Variants in ZNF532 observed in about 807,000 individuals in gnomAD.
ZNF532 encodes zinc finger protein 532.
Under a neutral mutation model 89.3 loss-of-function variants are expected in ZNF532, and 22 were observed. That is an observed-to-expected ratio of 0.25 (90% confidence interval 0.18 to 0.35). The LOEUF is 0.35. Among genes scored for constraint, ZNF532 ranks in the 10% least tolerant of loss-of-function variants. The probability of loss-of-function intolerance (pLI) is 1.00; values close to 1 mark genes in which losing one functional copy is unlikely to be tolerated. For missense variants in ZNF532, 1,132 were observed against 1,643.4 expected (o/e 0.69, Z 5.38); for synonymous variants, 606 against 649.6 (o/e 0.93, Z 1.02).
intron 2 of ZNF532, among the ~76,000 whole-genome samples, chr18:58,914,880 G>GTT (rs747184097): frequency 6.6e-6 from 1 of 152,170 alleles, no homozygotes; most frequent in African/African-American, 2.4e-5. Flanking sequence ...TTTTTGTAAT[G>GTT]TTTTTAAGCA....
intron 2 of ZNF532, among the ~76,000 whole-genome samples, chr18:58,914,005 T>C (rs943814844): frequency 5.9e-5 from 9 of 152,220 alleles, no homozygotes; most frequent in African/African-American, 1.7e-4. Context: ...CATTCTCTAA[T>C]TGGAAATTGG....
chr18:58,940,240 C>A (rs1251949863), intron 5 of ZNF532: 3 of 152,134 alleles, frequency 2.0e-5, no homozygotes, highest in Non-Finnish European at 4.4e-5. Context: ...TTTTTAGAAA[C>A]CCTGTCATCT....
intron 2 of ZNF532, among the ~76,000 whole-genome samples, chr18:58,884,440 G>T (rs1291992868): frequency 6.6e-6 from 1 of 152,142 alleles, no homozygotes; most frequent in Non-Finnish European, 1.5e-5. Context: ...CTGATAGTTC[G>T]GAGCATTTCA....
chr18:58,980,201 T>G (rs2067581305), intron 8 of ZNF532: 1 of 152,182 alleles, frequency 6.6e-6, no homozygotes, highest in Non-Finnish European at 1.5e-5. Context: ...TCAGTGAAAT[T>G]GAAGCTGTTT....
At chr18:58,966,308 T>C (rs546467255) in intron 7 of ZNF532, among the ~76,000 whole-genome samples, 22 of 152,330 alleles carry the variant, frequency 1.4e-4, no homozygotes, top group Admixed American at 4.6e-4. Flanking sequence ...AGAAAAACCA[T>C]GAGTTTTTAC....
At chr18:58,949,858 C>T (rs889885287) in intron 6 of ZNF532, among the ~76,000 whole-genome samples, 2 of 152,178 alleles carry the variant, frequency 1.3e-5, no homozygotes, top group African/African-American at 2.4e-5. Context: ...GAGATTCTCT[C>T]CTTCCAGGCA....
intron 2 of ZNF532, among the ~76,000 whole-genome samples, chr18:58,883,959 G>A (rs1195722132): frequency 2.6e-5 from 4 of 152,188 alleles, no homozygotes; most frequent in African/African-American, 9.7e-5. Context: ...AGTCAGCCTC[G>A]TGGACCTGTG....
intron 2 of ZNF532, among the ~76,000 whole-genome samples, chr18:58,878,148 G>A (rs939056295): frequency 1.3e-5 from 2 of 152,114 alleles, no homozygotes; most frequent in African/African-American, 2.4e-5. Context: ...CCAGCTACTC[G>A]GGAGGCTGAG....
At chr18:58,932,459 A>G (rs1241553536) in intron 3 of ZNF532, 2 of 152,246 alleles carry the variant, frequency 1.3e-5, no homozygotes, top group African/African-American at 4.8e-5. Context: ...ATTACTTTAG[A>G]TAAAAGAGAA....
At chr18:58,983,643 T>C (rs1186958842) in intron 9 of ZNF532, among the ~76,000 whole-genome samples, 6 of 152,134 alleles carry the variant, frequency 3.9e-5, no homozygotes, top group Admixed American at 3.9e-4. Context: ...CCTGCTTGGC[T>C]GTCCTGGGTC....
At chr18:58,878,463 G>GC (rs1261172635) in intron 2 of ZNF532, among the ~76,000 whole-genome samples, 1 of 152,162 alleles carries the variant, frequency 6.6e-6, no homozygotes, top group Non-Finnish European at 1.5e-5. Context: ...GATAGGAGAG[G>GC]CCCCCCTGAA....
chr18:58,978,146 A>G (rs2067270508), intron 7 of ZNF532, among the ~76,000 whole-genome samples: 1 of 152,180 alleles, frequency 6.6e-6, no homozygotes, highest in African/African-American at 2.4e-5. Flanking sequence ...TTTTAAATAT[A>G]AGGAAATTCG....
chr18:58,959,061 G>A (rs2065066997), intron 7 of ZNF532, among the ~76,000 whole-genome samples: 1 of 152,094 alleles, frequency 6.6e-6, no homozygotes, highest in South Asian at 2.1e-4. Flanking sequence ...CATGTTATAT[G>A]TACCTGTTCA....
Position 58,920,153 on chromosome 18 carries a change from G to A in ZNF532, c.1866G>A (p.Gly622=), listed in dbSNP as rs1468944221. The change falls in exon 3 of 10, where the codon GGG becomes GGA. Residue 622 remains glycine (G), a synonymous_variant. Coordinates refer to ENST00000591808, the MANE Select transcript of ZNF532 (RefSeq NM_001375912.1). ...PTRGYKCLEC[G]DSFALEKSLT... is the part of the protein sequence containing the mutation. The stretch of plus-strand genomic sequence containing the variant: ...GTGGGTACAAGTGCTTGGAGTGTGG[G>A]GACTCCTTTGCACTTGAAAAGAGTC... The A allele has an allele frequency of 1.9e-6, 3 of 1,613,852 alleles. No individual in the cohort carries two copies. The highest frequency in any genetic ancestry group is 2.2e-5 in the East Asian group (1 of 44,868).
At chr18:58,940,950 A>ACACACC (rs1209413852) in intron 5 of ZNF532, among the ~76,000 whole-genome samples, 36 of 141,390 alleles carry the variant, frequency 2.5e-4, no homozygotes, top group African/African-American at 9.0e-4. Flanking sequence ...ACACACACAC[A>ACACACC]CACACACACT....
upstream of ZNF532, chr18:58,863,946 C>T (rs563405983): frequency 1.4e-3 from 214 of 152,218 alleles, no homozygotes; most frequent in African/African-American, 5.0e-3. Context: ...CTGTCCCACC[C>T]TGGCCTTGGG....
chr18:58,978,958 T>C, intron 7 of ZNF532, 97 bp from the exon 8 acceptor site: 1 of 994,162 alleles, frequency 1.0e-6, no homozygotes, highest in South Asian at 1.5e-5. Context: ...TGGGGACCTG[T>C]AATAATGATT....
intron 2 of ZNF532, among the ~76,000 whole-genome samples, chr18:58,876,440 C>T (rs1258796969): frequency 6.6e-6 from 1 of 152,184 alleles, no homozygotes; most frequent in Non-Finnish European, 1.5e-5. Flanking sequence ...CCAGGCCTTC[C>T]CTGACACCAC....
chr18:58,888,725 AAATTATATATATATATTT>A (rs2058513380), intron 2 of ZNF532, among the ~76,000 whole-genome samples: 2 of 29,928 alleles, frequency 6.7e-5, no homozygotes, highest in East Asian at 4.3e-3. Flanking sequence ...ATATATATAT[AAATTATATATATATATTT>A]TATATATATA....
Sources: gnomAD v4.1 joint callset for allele counts (sites outside exome capture counted in the v4.1 genomes callset) on GRCh38, gnomAD v4.1.1 for gene constraint, MANE v1.5 for transcripts, NCBI Gene and HGNC (gene_info 2026-07-23, HGNC 2026-07-21) for gene names.